Variants in EEIG2 observed in about 807,000 individuals in gnomAD.
EEIG2 encodes the protein EEIG family member 2, also known as family with sequence similarity 102 member B.
At chr1:108,632,978 T>G in the EEIG2 span, among the ~76,000 whole-genome samples, 2 of 135,172 alleles carry the variant, frequency 1.5e-5, no homozygotes, top group African/African-American at 5.6e-5. Context: ...AGAGACAGAG[T>G]CTCACTGTGT....
the EEIG2 span, among the ~76,000 whole-genome samples, chr1:108,610,429 C>A: frequency 1.3e-5 from 2 of 152,060 alleles, no homozygotes. Flanking sequence ...CTTTAATTTT[C>A]CGATTGAAAT....
chr1:108,584,204 A>T, the EEIG2 span, among the ~76,000 whole-genome samples: 1 of 152,152 alleles, frequency 6.6e-6, no homozygotes, highest in African/African-American at 2.4e-5. Context: ...GCAATATTTT[A>T]TTTATTTTTA....
the EEIG2 span, among the ~76,000 whole-genome samples, chr1:108,614,561 A>G: frequency 6.6e-6 from 1 of 151,934 alleles, no homozygotes; most frequent in South Asian, 2.1e-4. Flanking sequence ...TCATCTTCCC[A>G]TCATAGACTT....
At chr1:108,612,141 A>T in the EEIG2 span, 2 of 1,411,868 alleles carry the variant, frequency 1.4e-6, no homozygotes, top group Non-Finnish European at 2.0e-6. Flanking sequence ...GAAGCCTACT[A>T]GATAGTCTAT....
the EEIG2 span, among the ~76,000 whole-genome samples, chr1:108,576,038 A>G: frequency 6.6e-6 from 1 of 152,158 alleles, no homozygotes; most frequent in South Asian, 2.1e-4. Context: ...TGTGAGATAC[A>G]GGTGTCACTG....
At chr1:108,631,684 T>C in the EEIG2 span, among the ~76,000 whole-genome samples, 25 of 152,296 alleles carry the variant, frequency 1.6e-4, no homozygotes, top group African/African-American at 4.6e-4. Context: ...ATAGGTAGCA[T>C]TGAGCATTTA....
the EEIG2 span, chr1:108,628,152 T>A: frequency 3.1e-6 from 5 of 1,612,092 alleles, no homozygotes; most frequent in South Asian, 3.3e-5. Flanking sequence ...GACATCATGT[T>A]ATGACATATT....
At chr1:108,606,240 A>G in the EEIG2 span, 1 of 1,566,358 alleles carries the variant, frequency 6.4e-7, no homozygotes, top group South Asian at 1.2e-5. Context: ...AAGGTGGAAA[A>G]GCTTATGCAA....
the EEIG2 span, among the ~76,000 whole-genome samples, chr1:108,586,117 A>G: frequency 1.3e-5 from 2 of 152,082 alleles, no homozygotes; most frequent in Non-Finnish European, 2.9e-5. Context: ...CATAGCAAAA[A>G]TTTCATTAAA....
the EEIG2 span, among the ~76,000 whole-genome samples, chr1:108,594,310 A>G: frequency 6.6e-6 from 1 of 152,232 alleles, no homozygotes; most frequent in African/African-American, 2.4e-5. Flanking sequence ...GTCAAGTATG[A>G]TACTAAAAAA....
the EEIG2 span, chr1:108,626,753 G>C: frequency 6.6e-6 from 1 of 152,034 alleles, no homozygotes; most frequent in Non-Finnish European, 1.5e-5. Context: ...CTTTTCCCTC[G>C]GTTATTATAC....
At chr1:108,563,722 A>G in the EEIG2 span, among the ~76,000 whole-genome samples, 1 of 152,190 alleles carries the variant, frequency 6.6e-6, no homozygotes, top group Non-Finnish European at 1.5e-5. Context: ...ATAGCTCTCC[A>G]TCTGGGATTG....
chr1:108,612,260 C>A, the EEIG2 span: 2 of 1,612,828 alleles, frequency 1.2e-6, no homozygotes, highest in Non-Finnish European at 1.7e-6. Flanking sequence ...GGCTATGATA[C>A]CAAAAATACA....
At chr1:108,592,115 CG>C in the EEIG2 span, among the ~76,000 whole-genome samples, 8 of 152,086 alleles carry the variant, frequency 5.3e-5, no homozygotes, top group African/African-American at 1.9e-4. Context: ...TAGATCTGAG[CG>C]GGGACCATTA....
the EEIG2 span, among the ~76,000 whole-genome samples, chr1:108,579,531 C>T: frequency 4.1e-5 from 6 of 147,632 alleles, no homozygotes; most frequent in East Asian, 2.0e-4. Context: ...GACAGATCAA[C>T]GAGACAGAAA....
At chr1:108,625,609 TGA>T in the EEIG2 span, 1 of 152,212 alleles carries the variant, frequency 6.6e-6, no homozygotes, top group Non-Finnish European at 1.5e-5. Flanking sequence ...GTAAATATGC[TGA>T]TTTCTTTCTC....
the EEIG2 span, among the ~76,000 whole-genome samples, chr1:108,601,994 G>C: frequency 6.6e-6 from 1 of 152,154 alleles, no homozygotes; most frequent in Admixed American, 6.6e-5. Context: ...GGAAGACAGA[G>C]ACCATAGTAA....
At chr1:108,632,608 A>T in the EEIG2 span, among the ~76,000 whole-genome samples, 1 of 152,212 alleles carries the variant, frequency 6.6e-6, no homozygotes, top group Non-Finnish European at 1.5e-5. Context: ...TTGGGTTCAC[A>T]TCCTAGCCAG....
At chr1:108,601,422 TGTCA>T in the EEIG2 span, among the ~76,000 whole-genome samples, 2 of 151,788 alleles carry the variant, frequency 1.3e-5, no homozygotes, top group African/African-American at 4.8e-5. Flanking sequence ...TCTGCGTCCT[TGTCA>T]GTCAGAATAC....
Sources: gnomAD v4.1 joint callset for allele counts (sites outside exome capture counted in the v4.1 genomes callset) on GRCh38, gnomAD v4.1.1 for gene constraint, MANE v1.5 for transcripts, NCBI Gene and HGNC (gene_info 2026-07-23, HGNC 2026-07-21) for gene names.